Variants in TMEM220 observed in about 807,000 individuals in gnomAD.
TMEM220 encodes transmembrane protein 220.
A neutral mutation model predicts 21.7 loss-of-function variants in TMEM220; 21 were observed. The observed-to-expected ratio is 0.97, with a 90% CI of 0.69 to 1.39. The LOEUF is 1.39. Ranked by LOEUF, TMEM220 falls within the 40% of genes most tolerant of loss-of-function variation. The pLI is 0.00. For synonymous variants in TMEM220, 80 were observed against 73.6 expected (o/e 1.09, Z -0.45); for missense variants, 191 against 201.9 (o/e 0.95, Z 0.33).
rs2075100019 is a variant in TMEM220 at position 10,729,683 on chromosome 17, C to A, written c.72+97G>T. ...CCCGTCCTCCCCACTAACTGTGCGC[C>A]CCTGCGACTCTGCCCGCTAGTCAGT... On this transcript the variant is annotated intron_variant, in intron 1 of 5. Transcript: ENST00000341871. The A allele has an allele frequency of 5.6e-6, 6 of 1,077,898 alleles. No individual in the cohort carries two copies. The South Asian group carries it at 1.4e-4, about 24-fold the overall frequency. The allele number at this position is 1,077,898 out of a possible 1,614,324, so 66.8% of individuals were successfully genotyped here. A position where few individuals can be genotyped will look rare whatever the true frequency, so the allele number is the denominator to read the frequency against.
chr17:10,719,560 C>T (rs542184206), intron 5 of TMEM220, among the ~76,000 whole-genome samples: 13 of 152,226 alleles, frequency 8.5e-5, no homozygotes, highest in East Asian at 1.9e-4. Context: ...CCACCGCATC[C>T]GGCCTACATC....
At chr17:10,727,401 CAG>C (rs2075060804) in intron 2 of TMEM220, among the ~76,000 whole-genome samples, 1 of 152,200 alleles carries the variant, frequency 6.6e-6, no homozygotes, top group East Asian at 1.9e-4. Context: ...AAGAATGACT[CAG>C]AGAATGATTC....
At chr17:10,716,141 G>A in intron 5 of TMEM220, 1 of 864,832 alleles carries the variant, frequency 1.2e-6, no homozygotes, top group East Asian at 3.3e-5. Flanking sequence ...TCCTGGACAG[G>A]ATAATAAAAT....
At chr17:10,712,879 T>C (rs540177252), downstream of TMEM220, among the ~76,000 whole-genome samples, 48 of 152,186 alleles carry the variant, frequency 3.2e-4, no homozygotes, top group Non-Finnish European at 5.3e-4. Flanking sequence ...ACTTGCCAGA[T>C]AGTGTGGAGC....
rs1013863288 is a variant in TMEM220 at position 10,719,559 on chromosome 17, C to T, written c.347+3711G>A. On this transcript the variant is annotated intron_variant, in intron 5 of 5. Transcript: ENST00000341871. ...GGATTATAGGTGTGAGCCACCGCATCCGGCCTACATCAGGATAAATTCTAA... is the reference window on the plus strand; with the variant it reads ...GGATTATAGGTGTGAGCCACCGCATTCGGCCTACATCAGGATAAATTCTAA... Among the ~76,000 whole-genome samples the T allele has an allele frequency of 6.6e-4, 100 of 152,160 alleles. 1 individual carries two copies. The highest frequency in any genetic ancestry group is 3.4e-4 in the Non-Finnish European group (23 of 68,038).
intron 5 of TMEM220, among the ~76,000 whole-genome samples, chr17:10,721,604 C>CAAAAAAAAAAAAAA (rs1194075248): frequency 8.4e-5 from 3 of 35,832 alleles, no homozygotes; most frequent in African/African-American, 2.8e-4. Flanking sequence ...GACTCTGTCT[C>CAAAAAAAAAAAAAA]AAAAAAAAAA....
chr17:10,722,428 G>C (rs1268730257), intron 5 of TMEM220, among the ~76,000 whole-genome samples: 2 of 151,934 alleles, frequency 1.3e-5, no homozygotes, highest in East Asian at 3.9e-4. Flanking sequence ...CTTCCTATTT[G>C]TCCTATTGTT....
At chr17:10,715,823 CAT>C (rs1024306792) in intron 5 of TMEM220, among the ~76,000 whole-genome samples, 2 of 152,118 alleles carry the variant, frequency 1.3e-5, no homozygotes, top group Admixed American at 1.3e-4. Flanking sequence ...GAAGAGAAGT[CAT>C]TGATTAATTT....
At chr17:10,729,195 A>C (rs1597536526) in intron 1 of TMEM220, 135 bp from the exon 2 acceptor site, 2 of 953,370 alleles carry the variant, frequency 2.1e-6, no homozygotes, top group East Asian at 5.1e-5. Flanking sequence ...CAAAATCTGA[A>C]CAGGATATAG....
At chr17:10,711,189 C>A (rs749023265), downstream of TMEM220, 23 of 1,453,548 alleles carry the variant, frequency 1.6e-5, no homozygotes, top group Middle Eastern at 1.9e-4. Flanking sequence ...TGTGTTTGTC[C>A]CTCCTAAACA....
intron 3 of TMEM220, among the ~76,000 whole-genome samples, chr17:10,725,638 AT>A (rs1472926955): frequency 6.6e-6 from 1 of 152,230 alleles, no homozygotes; most frequent in Non-Finnish European, 1.5e-5. Context: ...TGAAGTTAGC[AT>A]GACAGATGGT....
intron 5 of TMEM220, among the ~76,000 whole-genome samples, chr17:10,722,086 G>C (rs1440620067): frequency 1.3e-5 from 2 of 151,566 alleles, no homozygotes; most frequent in Non-Finnish European, 2.9e-5. Flanking sequence ...TCCGACTCCC[G>C]GGTTCAAGCG....
intron 5 of TMEM220, among the ~76,000 whole-genome samples, chr17:10,718,285 A>G (rs1057099419): frequency 2.6e-5 from 4 of 151,760 alleles, no homozygotes; most frequent in Non-Finnish European, 5.9e-5. Context: ...TACAATAGTT[A>G]TTATAGTAGT....
chr17:10,729,022 C>A lies in TMEM220; in HGVS notation c.102+9G>T, dbSNP rs528026383. ...AACGGAGGAAAGCCTGGAAGCGGCTCATACTCACCACCCACACCTCTGCAT... is the reference window on the plus strand; with the variant it reads ...AACGGAGGAAAGCCTGGAAGCGGCTAATACTCACCACCCACACCTCTGCAT... On this transcript the variant is annotated intron_variant, in intron 2 of 5. Transcript: ENST00000341871. 16 of 1,614,190 alleles carry A rather than the reference C, an allele frequency of 9.9e-6. No homozygotes were observed. The African/African-American group carries it at 2.1e-4, about 22-fold the overall frequency.
Position 10,715,220 on chromosome 17 carries a change from T to C in TMEM220, c.*233A>G, listed in dbSNP as rs1413120390. Reference sequence around the variant, plus strand: ...TTTTTAAACTTCTATTCTCTAGCCTTTTCCACTACATTATGACACAAGACC... The same window carrying C: ...TTTTTAAACTTCTATTCTCTAGCCTCTTCCACTACATTATGACACAAGACC... On this transcript the variant is annotated 3_prime_UTR_variant, in exon 6 of 6. Transcript: ENST00000341871. 5.7e-6 allele frequency: 2 copies of C among 349,342 alleles called. No homozygotes were observed. Among genetic ancestry groups the C allele is most frequent in the Non-Finnish European group, 1.0e-5 (2 of 194,886 alleles). The allele number at this position is 349,342 out of a possible 1,614,324, so 21.6% of individuals were successfully genotyped here.
intron 5 of TMEM220, among the ~76,000 whole-genome samples, chr17:10,720,153 G>A (rs1238406780): frequency 6.6e-6 from 1 of 152,170 alleles, no homozygotes; most frequent in Admixed American, 6.5e-5. Flanking sequence ...GAATTCGGGA[G>A]TATATAGAAA....
chr17:10,728,991 C>T lies in TMEM220; in HGVS notation c.102+40G>A, dbSNP rs746426190. 3 of 1,611,920 alleles carry T rather than the reference C, an allele frequency of 1.9e-6. No individual in the cohort carries two copies. The Admixed American group carries it at 5.0e-5, about 27-fold the overall frequency. On this transcript the variant is annotated intron_variant, in intron 2 of 5. Coordinates refer to ENST00000341871, the MANE Select transcript of TMEM220 (RefSeq NM_001004313.3). Reference sequence around the variant, plus strand: ...GTGTGTTTTGTGCCGTTCCCCAATTCTTCCAAACGGAGGAAAGCCTGGAAG... The same window carrying T: ...GTGTGTTTTGTGCCGTTCCCCAATTTTTCCAAACGGAGGAAAGCCTGGAAG...
At position 10,713,687 on chromosome 17, in the gene TMEM220, TTGAC is replaced by T. The variant is rs1158991183; in HGVS notation, c.*1762_*1765del. ...ATTTTACTGACCCTTAAGTTTCACT[TTGAC>T]TGTTTTAATATCAACTAGATTTGTT... On this transcript the variant is annotated 3_prime_UTR_variant, in exon 6 of 6. Transcript: ENST00000341871. The T allele has an allele frequency of 1.3e-5, 2 of 152,220 alleles. No homozygotes were observed. Among genetic ancestry groups the T allele is most frequent in the African/African-American group, 4.8e-5 (2 of 41,454 alleles). 9.4% of individuals were successfully genotyped at this position (152,220 alleles called of 1,614,324 possible). A position where few individuals can be genotyped will look rare whatever the true frequency, so the allele number is the denominator to read the frequency against.
chr17:10,728,095 G>A, intron 2 of TMEM220, among the ~76,000 whole-genome samples: 1 of 151,874 alleles, frequency 6.6e-6, no homozygotes, highest in Non-Finnish European at 1.5e-5. Context: ...GGGAGGTAGA[G>A]GTTGCGGTGA....
Sources: allele counts gnomAD v4.1 joint callset (sites outside exome capture counted in the v4.1 genomes callset), GRCh38; gene constraint gnomAD v4.1.1; transcripts MANE v1.5; gene names NCBI Gene and HGNC (gene_info 2026-07-23, HGNC 2026-07-21).